MGAT4C: variants seen among roughly 807,000 people sequenced by gnomAD.
MGAT4C encodes alpha-1,3-mannosyl-glycoprotein 4-beta-N-acetylglucosaminyltransferase C.
MGAT4C carries 19 observed loss-of-function variants against 40.1 expected under a neutral mutation model. That is an observed-to-expected ratio of 0.47 (90% confidence interval 0.33 to 0.70). The LOEUF is 0.70. MGAT4C is among the 30% of genes least tolerant of loss of function. The pLI, the probability that MGAT4C is intolerant of heterozygous loss-of-function variation, is 0.02. For synonymous variants in MGAT4C, 181 were observed against 187.1 expected (o/e 0.97, Z 0.27); for missense variants, 491 against 563.2 (o/e 0.87, Z 1.30).
intron 4 of MGAT4C, among the ~76,000 whole-genome samples, chr12:86,271,833 A>T (rs1253731305): frequency 6.6e-6 from 1 of 152,224 alleles, no homozygotes; most frequent in African/African-American, 2.4e-5. Context: ...AAAGAATGGA[A>T]TCCTGTCATT....
intron 1 of MGAT4C, among the ~76,000 whole-genome samples, chr12:86,800,647 C>T (rs116545154): frequency 6.6e-6 from 1 of 151,806 alleles, no homozygotes; most frequent in Non-Finnish European, 1.5e-5. Flanking sequence ...ATTGCATTTA[C>T]AATTATTAAT....
intron 2 of MGAT4C, among the ~76,000 whole-genome samples, chr12:86,468,634 A>G (rs568935936): frequency 3.3e-5 from 5 of 152,288 alleles, no homozygotes; most frequent in Admixed American, 1.3e-4. Context: ...AAAGCCTTAC[A>G]TGAACATAAC....
At chr12:86,544,458 T>C (rs1959183015) in intron 2 of MGAT4C, among the ~76,000 whole-genome samples, 1 of 152,206 alleles carries the variant, frequency 6.6e-6, no homozygotes, top group South Asian at 2.1e-4. Context: ...TCTATAATTA[T>C]CTAATGTTTC....
At chr12:86,331,036 G>A (rs1267842564) in intron 4 of MGAT4C, among the ~76,000 whole-genome samples, 2 of 152,120 alleles carry the variant, frequency 1.3e-5, no homozygotes, top group East Asian at 1.9e-4. Flanking sequence ...GAAAGAATTC[G>A]ACCTGGGGCA....
chr12:86,451,867 A>G lies in MGAT4C; in HGVS notation c.-228-16602T>C, dbSNP rs111284370. Reference sequence around the variant, plus strand: ...TTCACACTAAACACACACAATTTTAATTATAGTTCTCTGTTGAAACTTTCA... The same window carrying G: ...TTCACACTAAACACACACAATTTTAGTTATAGTTCTCTGTTGAAACTTTCA... On this transcript the variant is annotated intron_variant, in intron 2 of 7. Transcript: ENST00000548651. Among the ~76,000 whole-genome samples, 1,018 of 152,284 alleles carry G rather than the reference A, an allele frequency of 6.7e-3. 11 individuals carry two copies. The highest frequency in any genetic ancestry group is 0.023 in the African/African-American group (971 of 41,576).
At chr12:86,622,912 AAG>A (rs1306846236) in intron 2 of MGAT4C, among the ~76,000 whole-genome samples, 7 of 152,138 alleles carry the variant, frequency 4.6e-5, no homozygotes, top group Non-Finnish European at 5.9e-5. Context: ...ACTGACAGAA[AAG>A]AGTGAGAAAA....
chr12:86,125,025 G>A (rs771046034), intron 1 of MGAT4C, among the ~76,000 whole-genome samples: 1 of 152,174 alleles, frequency 6.6e-6, no homozygotes, highest in Non-Finnish European at 1.5e-5. Context: ...AGCTCACACA[G>A]CCTGTAACTC....
chr12:86,653,132 G>A (rs560036363), intron 2 of MGAT4C, among the ~76,000 whole-genome samples: 2 of 151,926 alleles, frequency 1.3e-5, no homozygotes, highest in South Asian at 4.1e-4. Context: ...AAACTATTAT[G>A]ATGTTTAATT....
chr12:86,569,589 T>C (rs866063190), intron 2 of MGAT4C, among the ~76,000 whole-genome samples: 1 of 152,092 alleles, frequency 6.6e-6, no homozygotes, highest in Non-Finnish European at 1.5e-5. Context: ...TCTGTTGCTA[T>C]GAGTGTTAAT....
At chr12:86,055,411 G>C (rs1893287092) in intron 1 of MGAT4C, among the ~76,000 whole-genome samples, 1 of 151,976 alleles carries the variant, frequency 6.6e-6, no homozygotes, top group Non-Finnish European at 1.5e-5. Flanking sequence ...TTGTACATTA[G>C]ACAAAAGAAA....
intron 4 of MGAT4C, among the ~76,000 whole-genome samples, chr12:86,280,063 G>C (rs1398919893): frequency 2.0e-5 from 3 of 152,034 alleles, no homozygotes; most frequent in African/African-American, 7.2e-5. Flanking sequence ...CTAACATTGA[G>C]AATGATCTAT....
chr12:86,603,729 T>C (rs1273306572), intron 2 of MGAT4C, among the ~76,000 whole-genome samples: 1 of 133,486 alleles, frequency 7.5e-6, no homozygotes, highest in African/African-American at 2.8e-5. Context: ...ATATACTATA[T>C]AATTATATAT....
At chr12:86,054,879 AC>A (rs66476465) in intron 1 of MGAT4C, among the ~76,000 whole-genome samples, 85,031 of 151,570 alleles carry the variant, frequency 0.56, 24,568 homozygotes, top group East Asian at 0.92. Flanking sequence ...ATCAGAAAAA[AC>A]ATCTCGGTTT....
intron 2 of MGAT4C, among the ~76,000 whole-genome samples, chr12:86,029,587 G>T (rs1890554276): frequency 6.6e-6 from 1 of 151,868 alleles, no homozygotes; most frequent in African/African-American, 2.4e-5. Flanking sequence ...AAAGTAGAGA[G>T]GAGAACCTGC....
intron 2 of MGAT4C, among the ~76,000 whole-genome samples, chr12:86,624,842 A>G (rs1962751002): frequency 2.0e-5 from 3 of 152,120 alleles, no homozygotes; most frequent in Non-Finnish European, 2.9e-5. Context: ...TGTTGGGTTA[A>G]TTTTTAGAAT....
In MGAT4C at chr12:85,968,596, C is replaced by T. The variant is rs1183970364; in HGVS notation, c.*10693G>A. 1 of 151,946 alleles carries T rather than the reference C, an allele frequency of 6.6e-6. No homozygotes were observed. The highest frequency in any genetic ancestry group is 1.5e-5 in the Non-Finnish European group (1 of 67,900). 9.4% of individuals were successfully genotyped at this position (151,946 alleles called of 1,614,324 possible). A position where few individuals can be genotyped will look rare whatever the true frequency, so the allele number is the denominator to read the frequency against. On this transcript the variant is annotated 3_prime_UTR_variant, in exon 5 of 5. Transcript: ENST00000611864. ...TAATCTACGCTTGTCATCATGTTTTCTAATCTATAATCTTTCAAACTGGAT... is the reference window on the plus strand; with the variant it reads ...TAATCTACGCTTGTCATCATGTTTTTTAATCTATAATCTTTCAAACTGGAT...
intron 2 of MGAT4C, among the ~76,000 whole-genome samples, chr12:86,667,658 A>G (rs1348423323): frequency 6.6e-6 from 1 of 152,212 alleles, no homozygotes; most frequent in East Asian, 1.9e-4. Context: ...ATGTAAACAA[A>G]TGAGTATGGC....
At chr12:86,140,414 G>A (rs370419511) in intron 1 of MGAT4C, among the ~76,000 whole-genome samples, 5 of 152,174 alleles carry the variant, frequency 3.3e-5, no homozygotes, top group East Asian at 1.9e-4. Context: ...ACCAAACACC[G>A]CATGTTCTCA....
In MGAT4C at chr12:86,730,863, T is replaced by C. The variant is rs115315919; in HGVS notation, c.-261-3622A>G. Among the ~76,000 whole-genome samples, 1,040 of 152,228 alleles carry C rather than the reference T, an allele frequency of 6.8e-3. 10 individuals are homozygous for C. The highest frequency in any genetic ancestry group is 0.024 in the African/African-American group (996 of 41,568). On this transcript the variant is annotated intron_variant, in intron 1 of 7. Coordinates refer to the MGAT4C transcript ENST00000548651. Reference sequence around the variant, plus strand: ...TATTATAACCGCTATTAACAACTATTGTTATATAATAGATGTTGTGCTTAT... The same window carrying C: ...TATTATAACCGCTATTAACAACTATCGTTATATAATAGATGTTGTGCTTAT...
Sources: gnomAD v4.1 joint callset for allele counts (sites outside exome capture counted in the v4.1 genomes callset) on GRCh38, gnomAD v4.1.1 for gene constraint, MANE v1.5 for transcripts, NCBI Gene and HGNC (gene_info 2026-07-23, HGNC 2026-07-21) for gene names.